LRP2: variants seen among roughly 807,000 people sequenced by gnomAD.
LRP2 encodes low-density lipoprotein receptor-related protein 2.
A neutral mutation model predicts 531.0 loss-of-function variants in LRP2; 172 were observed. The observed-to-expected ratio is 0.32, with a 90% CI of 0.29 to 0.37. The LOEUF (loss-of-function observed/expected upper bound fraction) is 0.37, where lower values mean the gene tolerates loss of function less well. Among genes scored for constraint, LRP2 ranks in the 10% least tolerant of loss-of-function variants. The pLI, the probability that LRP2 is intolerant of heterozygous loss-of-function variation, is 1.00. For synonymous variants in LRP2, 1,992 were observed against 2,027.6 expected, an observed-to-expected ratio of 0.98 and a Z score of 0.47; for missense variants, 5,167 against 5,868.3, an observed-to-expected ratio of 0.88 and a Z score of 3.90.
At chr2:169,316,911 G>C (rs1415900298) in intron 3 of LRP2, among the ~76,000 whole-genome samples, 1 of 152,072 alleles carries the variant, frequency 6.6e-6, no homozygotes, top group Non-Finnish European at 1.5e-5. Flanking sequence ...CCAAGGGAGT[G>C]GTGTCAAGAA....
At position 169,225,422 on chromosome 2, in the gene LRP2, G is replaced by C; in HGVS notation, c.5426C>G (p.Thr1809Ser). ...TATAGAAGCAAATACTGTCCTGTTG[G>C]TGCCATCTGTCTTCACTCTGTGAAT... is the stretch of plus-strand genomic sequence containing the variant. Reference protein sequence around the residue: ...GEIHRVKTDGTNRTVFASISM... With the variant: ...GEIHRVKTDGSNRTVFASISM... The change falls in exon 33 of 79, where the codon ACC becomes AGC. Residue 1809 changes from threonine (T) to serine (S), a missense_variant. Transcript: ENST00000649046. 6.2e-7 allele frequency: 1 copy of C among 1,614,010 alleles called. No homozygotes were observed.
chr2:169,272,882 T>C (rs755219906), intron 15 of LRP2, 45 bp downstream of exon 15: 15 of 1,612,530 alleles, frequency 9.3e-6, no homozygotes, highest in Middle Eastern at 1.6e-4. Flanking sequence ...TGGACACACA[T>C]ACACCTGTGT....
In LRP2 at chr2:169,155,054, T is replaced by C. The variant is rs182382464; in HGVS notation, c.12152-451A>G. ...TGTTTCCTGACAGATTTTATGATTC[T>C]TTTTAGCAGGTAATCAGCTCTATGA... On this transcript the variant is annotated intron_variant, in intron 65 of 78. Transcript: ENST00000649046. 2.6e-4 allele frequency among the ~76,000 whole-genome samples: 40 copies of C among 152,332 alleles called. No homozygotes were observed. In the East Asian group the frequency reaches 7.1e-3, roughly 27 times the overall value.
In LRP2 at chr2:169,243,502, G is replaced by C. The variant is rs1689889037; in HGVS notation, c.3451C>G (p.Pro1151Ala). 6 of 1,614,094 alleles carry C rather than the reference G, an allele frequency of 3.7e-6. No homozygotes were observed. Among genetic ancestry groups the C allele is most frequent in the Non-Finnish European group, 5.1e-6 (6 of 1,179,988 alleles). ...KNCNSTETCQ[P>A]SQFNCPNHRC... ...TGATTGGGGCAATTAAACTGACTAG[G>C]TTGGCATGTCTCTGTCGAATCTAAT... The change falls in exon 23 of 79, where the codon CCT (proline) becomes GCT (alanine). Residue 1151 changes from proline to alanine, a missense_variant. Pro to Ala is a conservative substitution (Grantham distance 27). Coordinates refer to ENST00000649046, the MANE Select transcript of LRP2 (RefSeq NM_004525.3).
chr2:169,259,832 A>C (rs758687716), intron 16 of LRP2, among the ~76,000 whole-genome samples: 1 of 152,090 alleles, frequency 6.6e-6, no homozygotes, highest in African/African-American at 2.4e-5. Context: ...GAAAATCTGA[A>C]TCAGAATAAA....
In LRP2 at chr2:169,146,266, C is replaced by G. The variant is rs181357284; in HGVS notation, c.12812-343G>C. 4.3e-4 allele frequency among the ~76,000 whole-genome samples: 65 copies of G among 152,258 alleles called. No individual in the cohort carries two copies. The East Asian group carries it at 6.4e-3, about 15-fold the overall frequency. ...TTTCTTTTGAACATAAGACATCTAT[C>G]TGACCAAATAGGAAAAATGTGATAT... On this transcript the variant is annotated intron_variant, in intron 69 of 78. Transcript: ENST00000649046.
intron 77 of LRP2, among the ~76,000 whole-genome samples, chr2:169,130,537 C>T (rs1452808424): frequency 1.3e-5 from 2 of 152,186 alleles, no homozygotes. Context: ...CCACCCACCT[C>T]GGCCTCCCAA....
intron 44 of LRP2, among the ~76,000 whole-genome samples, chr2:169,199,484 A>G (rs1688118723): frequency 6.6e-6 from 1 of 152,240 alleles, no homozygotes; most frequent in Non-Finnish European, 1.5e-5. Context: ...GACTGAGAAG[A>G]GCACAGAGGA....
At chr2:169,282,733 T>C in intron 10 of LRP2, 140 bp downstream of exon 10, 1 of 915,946 alleles carries the variant, frequency 1.1e-6, no homozygotes, top group Admixed American at 1.8e-5. Context: ...TTCTAGGCAG[T>C]AGGAGCCATC....
chr2:169,263,673 T>C (rs932586921), intron 16 of LRP2, among the ~76,000 whole-genome samples: 1 of 151,778 alleles, frequency 6.6e-6, no homozygotes, highest in Non-Finnish European at 1.5e-5. Flanking sequence ...TCAACCATTG[T>C]GGAAGTCAGT....
intron 1 of LRP2, among the ~76,000 whole-genome samples, chr2:169,327,221 G>A (rs534063685): frequency 5.7e-4 from 75 of 131,678 alleles, no homozygotes; most frequent in African/African-American, 1.5e-3. Context: ...CGCCCCATCC[G>A]GGAGGGAGGT....
chr2:169,279,944 C>T lies in LRP2; in HGVS notation c.1342-349G>A, dbSNP rs561271661. Among the ~76,000 whole-genome samples the T allele has an allele frequency of 3.3e-5, 5 of 152,236 alleles. No individual in the cohort carries two copies. The East Asian group carries it at 9.6e-4, about 29-fold the overall frequency. Reference sequence around the variant, plus strand: ...CAAAATACCGTCAATATTTGTTACTCGATCCCGAATTACAGTTCCATTTAG... The same window carrying T: ...CAAAATACCGTCAATATTTGTTACTTGATCCCGAATTACAGTTCCATTTAG... On this transcript the variant is annotated intron_variant, in intron 11 of 78. Coordinates refer to ENST00000649046, the MANE Select transcript of LRP2 (RefSeq NM_004525.3).
chr2:169,238,098 C>T lies in LRP2; in HGVS notation c.4499G>A (p.Arg1500Lys). ...CAACAGAAATGTACTTACCACTCTT[C>T]TGTCCGTTCCATTTTGAAACGCACT... ...TWSAFQNGTD[R>K]RVVFDSSIIL... Residue 1500 changes from arginine to lysine, a missense_variant, in exon 27 of 79, where the codon AGA becomes AAA. Arg to Lys is a conservative substitution (Grantham distance 26, BLOSUM62 2). Coordinates refer to ENST00000649046, the MANE Select transcript of LRP2 (RefSeq NM_004525.3). 1 of 1,613,968 alleles carries T rather than the reference C, an allele frequency of 6.2e-7. No individual in the cohort carries two copies. Among genetic ancestry groups the T allele is most frequent in the Non-Finnish European group, 8.5e-7 (1 of 1,179,844 alleles).
At chr2:169,194,756 C>T (rs1354493559) in intron 46 of LRP2, among the ~76,000 whole-genome samples, 1 of 138,804 alleles carries the variant, frequency 7.2e-6, no homozygotes, top group Non-Finnish European at 1.5e-5. Flanking sequence ...GAGTCTCACT[C>T]TGTGGCCAGG....
intron 25 of LRP2, among the ~76,000 whole-genome samples, chr2:169,240,003 C>T (rs1169562555): frequency 6.6e-6 from 1 of 152,168 alleles, no homozygotes; most frequent in East Asian, 1.9e-4. Flanking sequence ...TGATCACCTT[C>T]TTCACTACAA....
chr2:169,259,241 T>C, intron 16 of LRP2, 24 bp from the exon 17 acceptor site: 1 of 1,581,040 alleles, frequency 6.3e-7, no homozygotes, highest in Non-Finnish European at 8.7e-7. Flanking sequence ...TATGGACATA[T>C]TTTAAGCTAA....
Position 169,204,318 on chromosome 2 carries a change from T to C in LRP2, c.7716-47A>G, listed in dbSNP as rs748298174. On this transcript the variant is annotated intron_variant, in intron 41 of 78. Transcript: ENST00000649046. ...TTTAGAAGTTGAAATCTCAAGTGAG[T>C]TAAGTTTTCAACTGGCAGCCCAATG... 3.2e-6 allele frequency: 5 copies of C among 1,587,270 alleles called. No homozygotes were observed. The African/African-American group carries it at 4.0e-5, about 13-fold the overall frequency.
At chr2:169,349,106 C>T (rs79455326) in intron 1 of LRP2, among the ~76,000 whole-genome samples, 4 of 152,160 alleles carry the variant, frequency 2.6e-5, no homozygotes, top group Non-Finnish European at 4.4e-5. Context: ...AATCCCTGCC[C>T]TTGTGCCATT....
intron 9 of LRP2, among the ~76,000 whole-genome samples, chr2:169,287,478 A>C (rs1683888585): frequency 6.6e-6 from 1 of 152,188 alleles, no homozygotes; most frequent in Admixed American, 6.5e-5. Flanking sequence ...TACTGGATAT[A>C]AAAATCTAAT....
Sources: allele counts gnomAD v4.1 joint callset (sites outside exome capture counted in the v4.1 genomes callset), GRCh38; gene constraint gnomAD v4.1.1; transcripts MANE v1.5; gene names NCBI Gene and HGNC (gene_info 2026-07-23, HGNC 2026-07-21).